RBFOX3: variants seen among roughly 807,000 people sequenced by gnomAD.
RBFOX3 encodes the protein RNA binding fox-1 homolog 3.
In RBFOX3, 17 loss-of-function variants were observed where a neutral mutation model predicts 48.7. The ratio of observed to expected loss-of-function variants is 0.35; its 90% CI spans 0.24 to 0.52. The LOEUF (loss-of-function observed/expected upper bound fraction) is 0.52. RBFOX3 is among the 20% of genes least tolerant of loss of function. The pLI is 0.94. For missense variants in RBFOX3, 382 were observed against 497.5 expected (o/e 0.77, Z 2.21); for synonymous variants, 212 against 209.5 (o/e 1.01, Z -0.10).
chr17:79,658,129 G>C, the RBFOX3 span, among the ~76,000 whole-genome samples: 1 of 152,118 alleles, frequency 6.6e-6, no homozygotes, highest in African/African-American at 2.4e-5. Context: ...AGGAGAATTT[G>C]CTACTATAAA....
rs534444637 is a variant in RBFOX3 at position 79,093,091 on chromosome 17, C to T, written c.1077+1360G>A. Among the ~76,000 whole-genome samples, 382 of 152,340 alleles carry T rather than the reference C, an allele frequency of 2.5e-3. 1 individual carries two copies. The highest frequency in any genetic ancestry group is 4.0e-3 in the Non-Finnish European group (273 of 68,036). Reference sequence around the variant, plus strand: ...AGCCTGGGGCCACTGAAGCCAGCTACGCTGGGAGAGGCAAGCCTGCTGGGC... The same window carrying T: ...AGCCTGGGGCCACTGAAGCCAGCTATGCTGGGAGAGGCAAGCCTGCTGGGC... On this transcript the variant is annotated intron_variant, in intron 14 of 14. Coordinates refer to ENST00000693108, the MANE Select transcript of RBFOX3 (RefSeq NM_001350451.2).
chr17:79,625,286 G>T, the RBFOX3 span, among the ~76,000 whole-genome samples: 9 of 152,102 alleles, frequency 5.9e-5, no homozygotes, highest in African/African-American at 2.2e-4. Flanking sequence ...TTGCCTGGCT[G>T]CCTTCCCTCA....
chr17:79,513,092 G>C (rs1348538129), intron 1 of RBFOX3, among the ~76,000 whole-genome samples: 1 of 151,628 alleles, frequency 6.6e-6, no homozygotes, highest in Non-Finnish European at 1.5e-5. Context: ...TTACCATCGG[G>C]TACAGCCCCA....
intron 2 of RBFOX3, among the ~76,000 whole-genome samples, chr17:79,420,033 A>AGGAGAATC (rs1555721215): frequency 6.6e-6 from 1 of 151,796 alleles, no homozygotes; most frequent in African/African-American, 2.4e-5. Flanking sequence ...AGGCTGAGGC[A>AGGAGAATC]GGAGAATCGC....
At chr17:79,427,838 A>G (rs1368450318) in intron 2 of RBFOX3, among the ~76,000 whole-genome samples, 2 of 152,242 alleles carry the variant, frequency 1.3e-5, no homozygotes, top group Non-Finnish European at 2.9e-5. Flanking sequence ...ACATGTACAC[A>G]TGCACATATG....
chr17:79,337,723 G>A (rs2081411124), intron 2 of RBFOX3, among the ~76,000 whole-genome samples: 1 of 152,014 alleles, frequency 6.6e-6, no homozygotes, highest in Non-Finnish European at 1.5e-5. Context: ...TTGCAGTGAG[G>A]TGAGACTGTG....
At chr17:79,658,983 G>A in the RBFOX3 span, among the ~76,000 whole-genome samples, 46 of 152,262 alleles carry the variant, frequency 3.0e-4, no homozygotes, top group Middle Eastern at 3.4e-3. Context: ...TTTGTTTCTT[G>A]TTTATATCAC....
At chr17:79,377,711 T>A (rs1306301252) in intron 2 of RBFOX3, among the ~76,000 whole-genome samples, 1 of 151,934 alleles carries the variant, frequency 6.6e-6, no homozygotes, top group Non-Finnish European at 1.5e-5. Context: ...CCGCTTGGGG[T>A]CCTTTATTTG....
At chr17:79,429,176 C>CT (rs2067966989) in intron 2 of RBFOX3, among the ~76,000 whole-genome samples, 1 of 152,262 alleles carries the variant, frequency 6.6e-6, no homozygotes, top group Non-Finnish European at 1.5e-5. Flanking sequence ...GAGCATGCTC[C>CT]TTGCAGCCTC....
intron 3 of RBFOX3, among the ~76,000 whole-genome samples, chr17:79,236,041 G>A (rs1471225182): frequency 2.0e-5 from 3 of 152,182 alleles, no homozygotes; most frequent in Non-Finnish European, 2.9e-5. Context: ...AACAGGGCAC[G>A]GTGGACCGGC....
intron 3 of RBFOX3, among the ~76,000 whole-genome samples, chr17:79,271,083 T>TC (rs2067595927): frequency 6.6e-6 from 1 of 150,992 alleles, no homozygotes; most frequent in East Asian, 1.9e-4. Flanking sequence ...TAAGATTTTT[T>TC]TTTTTTTTTG....
At chr17:79,154,624 G>A (rs1273427774) in intron 4 of RBFOX3, among the ~76,000 whole-genome samples, 1 of 152,214 alleles carries the variant, frequency 6.6e-6, no homozygotes, top group Non-Finnish European at 1.5e-5. Flanking sequence ...GAGCCAGGAC[G>A]AGCCAGTATT....
intron 1 of RBFOX3, among the ~76,000 whole-genome samples, chr17:79,508,307 G>A (rs1555779574): frequency 6.6e-6 from 1 of 152,166 alleles, no homozygotes; most frequent in Non-Finnish European, 1.5e-5. Flanking sequence ...TTAGTGGCTG[G>A]TGACCCAGTG....
chr17:79,100,692 G>A (rs560131498), intron 9 of RBFOX3, among the ~76,000 whole-genome samples: 2 of 152,348 alleles, frequency 1.3e-5, no homozygotes, highest in South Asian at 2.1e-4. Flanking sequence ...TAAGGGGTCC[G>A]AGTGGGAAGC....
chr17:79,300,616 A>G (rs1444687177), intron 3 of RBFOX3, among the ~76,000 whole-genome samples: 1 of 152,174 alleles, frequency 6.6e-6, no homozygotes, highest in Non-Finnish European at 1.5e-5. Flanking sequence ...GGCAACGTGG[A>G]CTGGCGTGTT....
chr17:79,485,334 C>A (rs1018438024), intron 1 of RBFOX3, among the ~76,000 whole-genome samples: 53 of 152,256 alleles, frequency 3.5e-4, no homozygotes, highest in Non-Finnish European at 1.9e-4. Flanking sequence ...TGCTGCCCAG[C>A]CTGGCAGCCA....
At chr17:79,248,743 A>T (rs2063516731) in intron 3 of RBFOX3, among the ~76,000 whole-genome samples, 1 of 152,162 alleles carries the variant, frequency 6.6e-6, no homozygotes, top group Non-Finnish European at 1.5e-5. Flanking sequence ...ACAGGTAAGG[A>T]GCTGAGGCAA....
intron 4 of RBFOX3, among the ~76,000 whole-genome samples, chr17:79,177,155 G>C (rs1336833405): frequency 6.6e-6 from 1 of 152,102 alleles, no homozygotes; most frequent in Non-Finnish European, 1.5e-5. Context: ...TGGGTGCCAG[G>C]GGTTGCAAGC....
At position 79,333,016 on chromosome 17, in the gene RBFOX3, G is replaced by A. The variant is rs1464935168; in HGVS notation, c.-174-25192C>T. The stretch of plus-strand genomic sequence containing the variant: ...AGAGAGAAACAGAGGAAGAGAGAGA[G>A]AGATGGGGTGGGGGAGAGACATATA... On this transcript the variant is annotated intron_variant, in intron 2 of 14. Coordinates refer to ENST00000693108, the MANE Select transcript of RBFOX3 (RefSeq NM_001350451.2). Among the ~76,000 whole-genome samples the A allele has an allele frequency of 3.3e-5, 5 of 151,738 alleles. No homozygotes were observed. The South Asian group carries it at 1.1e-3, about 32-fold the overall frequency.
Sources: gnomAD v4.1 joint callset for allele counts (sites outside exome capture counted in the v4.1 genomes callset) on GRCh38, gnomAD v4.1.1 for gene constraint, MANE v1.5 for transcripts, NCBI Gene and HGNC (gene_info 2026-07-23, HGNC 2026-07-21) for gene names.